ITSN2: variants seen among roughly 807,000 people sequenced by gnomAD.
ITSN2 encodes the protein intersectin-2.
ITSN2 carries 156 observed loss-of-function variants against 243.7 expected under a neutral mutation model. That is an observed-to-expected ratio of 0.64 (90% confidence interval 0.56 to 0.73). ITSN2 has a LOEUF of 0.73. ITSN2 is among the 30% of genes least tolerant of loss of function. The probability of loss-of-function intolerance (pLI) is 0.00; values close to 1 mark genes in which losing one functional copy is unlikely to be tolerated. For synonymous variants in ITSN2, 703 were observed against 699.9 expected, an observed-to-expected ratio of 1.00 and a Z score of -0.07; for missense variants, 1,801 against 1,996.1, an observed-to-expected ratio of 0.90 and a Z score of 1.86.
chr2:24,291,221 C>T (rs1446996439), intron 15 of ITSN2, among the ~76,000 whole-genome samples: 1 of 152,074 alleles, frequency 6.6e-6, no homozygotes, highest in Non-Finnish European at 1.5e-5. Context: ...CCTCTGCCTC[C>T]CACGTTCAAG....
At chr2:24,271,172 G>A (rs1006915765) in intron 19 of ITSN2, among the ~76,000 whole-genome samples, 3 of 152,140 alleles carry the variant, frequency 2.0e-5, no homozygotes, top group Admixed American at 6.5e-5. Context: ...GATAAGAATA[G>A]CAAGTTAACA....
intron 15 of ITSN2, among the ~76,000 whole-genome samples, chr2:24,288,578 G>A (rs1035457835): frequency 8.6e-5 from 13 of 151,918 alleles, no homozygotes; most frequent in Admixed American, 5.9e-4. Flanking sequence ...TTTATAGTAC[G>A]CATGTTGTTT....
chr2:24,256,905 C>T (rs1259898249), intron 23 of ITSN2, among the ~76,000 whole-genome samples: 1 of 151,970 alleles, frequency 6.6e-6, no homozygotes, highest in African/African-American at 2.4e-5. Flanking sequence ...ATGGGAATGC[C>T]CCAATTTGGC....
intron 20 of ITSN2, among the ~76,000 whole-genome samples, chr2:24,268,249 C>T (rs1199111764): frequency 6.6e-6 from 1 of 152,150 alleles, no homozygotes; most frequent in Non-Finnish European, 1.5e-5. Context: ...CCGGTAACAC[C>T]CTCATCCATT....
intron 23 of ITSN2, among the ~76,000 whole-genome samples, chr2:24,254,641 A>G (rs972990263): frequency 6.6e-6 from 1 of 152,178 alleles, no homozygotes; most frequent in African/African-American, 2.4e-5. Context: ...ATTTTTAAAT[A>G]TATTTTTAAA....
At chr2:24,357,908 A>G (rs1457938885) in intron 1 of ITSN2, among the ~76,000 whole-genome samples, 1 of 152,112 alleles carries the variant, frequency 6.6e-6, no homozygotes, top group Non-Finnish European at 1.5e-5. Context: ...ATGCCCATAT[A>G]ACTTTTTTTT....
At chr2:24,338,655 A>C (rs1389600868) in intron 1 of ITSN2, among the ~76,000 whole-genome samples, 1 of 152,210 alleles carries the variant, frequency 6.6e-6, no homozygotes, top group Non-Finnish European at 1.5e-5. Context: ...TCATTCTTTC[A>C]TTCTACCATT....
chr2:24,303,906 T>A, intron 8 of ITSN2, 44 bp from the exon 9 acceptor site: 1 of 1,274,618 alleles, frequency 7.8e-7, no homozygotes, highest in Non-Finnish European at 1.1e-6. Flanking sequence ...TTAGCATCTT[T>A]AAAGTTATGC....
chr2:24,292,488 T>C (rs921625382), intron 15 of ITSN2, among the ~76,000 whole-genome samples: 3 of 152,166 alleles, frequency 2.0e-5, no homozygotes, highest in Non-Finnish European at 4.4e-5. Flanking sequence ...GGGACATGGA[T>C]AGACCACATC....
chr2:24,303,064 G>A (rs1681991612), intron 9 of ITSN2, among the ~76,000 whole-genome samples: 1 of 152,104 alleles, frequency 6.6e-6, no homozygotes, highest in Non-Finnish European at 1.5e-5. Flanking sequence ...ATTATCTACA[G>A]TACATACACT....
intron 30 of ITSN2, among the ~76,000 whole-genome samples, chr2:24,218,470 A>G (rs1013367740): frequency 6.6e-6 from 1 of 152,220 alleles, no homozygotes; most frequent in Non-Finnish European, 1.5e-5. Flanking sequence ...CTCTAAGCAG[A>G]TGTGGGTTTT....
intron 1 of ITSN2, among the ~76,000 whole-genome samples, chr2:24,332,217 G>A (rs1393571849): frequency 1.3e-5 from 2 of 152,184 alleles, no homozygotes; most frequent in East Asian, 1.9e-4. Flanking sequence ...ACTCCAGCAT[G>A]GGCAACAAGG....
chr2:24,338,965 A>T (rs1181886527), intron 1 of ITSN2, among the ~76,000 whole-genome samples: 1 of 152,226 alleles, frequency 6.6e-6, no homozygotes, highest in Non-Finnish European at 1.5e-5. Context: ...ATTATCTAAC[A>T]TGAGGTCGGT....
chr2:24,300,056 T>C lies in ITSN2; in HGVS notation c.1197A>G (p.Lys399=), dbSNP rs1681521509. 2 of 1,614,122 alleles carry C rather than the reference T, an allele frequency of 1.2e-6. No homozygotes were observed. The highest frequency in any genetic ancestry group is 1.3e-5 in the African/African-American group (1 of 74,944). ...GTTTTCGTTCCCACTCTTCCTTTTCTTTCTGGGCTTTACGTTCTGCCTCCC... is the reference window on the plus strand; with the variant it reads ...GTTTTCGTTCCCACTCTTCCTTTTCCTTCTGGGCTTTACGTTCTGCCTCCC... ...QQREAERKAQ[K]EKEEWERKQR... Residue 399 remains lysine (K), a synonymous_variant, in exon 12 of 40, where the codon AAA becomes AAG. Coordinates refer to ENST00000355123, the MANE Select transcript of ITSN2 (RefSeq NM_006277.3).
At chr2:24,360,891 C>T (rs1658938736), upstream of ITSN2, among the ~76,000 whole-genome samples, 1 of 152,246 alleles carries the variant, frequency 6.6e-6, no homozygotes, top group East Asian at 1.9e-4. Flanking sequence ...TGCCACATCC[C>T]TGTTGCACCC....
intron 1 of ITSN2, among the ~76,000 whole-genome samples, chr2:24,347,332 T>TA (rs1687626299): frequency 6.6e-6 from 1 of 152,046 alleles, no homozygotes; most frequent in Non-Finnish European, 1.5e-5. Context: ...CTATTACAAA[T>TA]GACAATTTCA....
At chr2:24,260,188 T>C (rs1675627631) in intron 22 of ITSN2, among the ~76,000 whole-genome samples, 1 of 152,154 alleles carries the variant, frequency 6.6e-6, no homozygotes, top group Non-Finnish European at 1.5e-5. Flanking sequence ...CCCAAAGAGC[T>C]GGGATTATAG....
At chr2:24,328,731 G>A (rs1685441130) in intron 1 of ITSN2, among the ~76,000 whole-genome samples, 1 of 152,172 alleles carries the variant, frequency 6.6e-6, no homozygotes, top group Non-Finnish European at 1.5e-5. Flanking sequence ...CCAAAGTGCT[G>A]AGATTACAGG....
intron 1 of ITSN2, among the ~76,000 whole-genome samples, chr2:24,347,375 A>G (rs1163774230): frequency 1.6e-5 from 1 of 63,708 alleles, no homozygotes; most frequent in Non-Finnish European, 3.8e-5. Flanking sequence ...TTTATTATAT[A>G]ATGTAATTAA....
Sources: allele counts gnomAD v4.1 joint callset (sites outside exome capture counted in the v4.1 genomes callset), GRCh38; gene constraint gnomAD v4.1.1; transcripts MANE v1.5; gene names NCBI Gene and HGNC (gene_info 2026-07-23, HGNC 2026-07-21).